Variants in SMAD4 observed in about 807,000 individuals in gnomAD.
SMAD4 encodes MAD homolog 4.
A neutral mutation model predicts 63.2 loss-of-function variants in SMAD4; 7 were observed. The observed-to-expected ratio is 0.11, with a 90% confidence interval of 0.06 to 0.21. The LOEUF is 0.21. SMAD4 is among the 10% of genes least tolerant of loss of function. SMAD4 has a pLI of 1.00. For missense variants in SMAD4, 312 were observed against 693.8 expected, an observed-to-expected ratio of 0.45 and a Z score of 6.18; for synonymous variants, 215 against 235.4, an observed-to-expected ratio of 0.91 and a Z score of 0.79.
chr18:51,046,884 G>T (rs776946182), intron 1 of SMAD4, 36 bp from the exon 2 acceptor site: 5 of 636,838 alleles, frequency 7.9e-6, no homozygotes, highest in African/African-American at 1.8e-5. Context: ...CGTAAAATGT[G>T]TTCTGATGTG....
In SMAD4 at chr18:51,045,550, A is replaced by T. The variant is rs1279198378; in HGVS notation, c.-127-1370A>T. Among the ~76,000 whole-genome samples the T allele has an allele frequency of 2.6e-5, 4 of 151,906 alleles. No individual in the cohort carries two copies. In the South Asian group the frequency reaches 6.2e-4, roughly 24 times the overall value. ...TTAATCTTCAGTTTTTGTTATTTTA[A>T]TTTTTTTGAAAATAATTTACCCTGC... is the stretch of plus-strand genomic sequence containing the variant. On this transcript the variant is annotated intron_variant, in intron 1 of 11. Transcript: ENST00000342988.
rs1035348290 is a variant in SMAD4, at chr18:51,080,682, C to T, written c.*2215C>T. ...TCAGCCTCCCTGGTAGCTAGGATTACAGGTGCCCGCCACCATGCCTGGCTA... is the reference window on the plus strand; with the variant it reads ...TCAGCCTCCCTGGTAGCTAGGATTATAGGTGCCCGCCACCATGCCTGGCTA... On this transcript the variant is annotated 3_prime_UTR_variant, in exon 12 of 12. Coordinates refer to ENST00000342988, the MANE Select transcript of SMAD4 (RefSeq NM_005359.6). 1.1e-5 allele frequency: 2 copies of T among 175,574 alleles called. No individual in the cohort carries two copies. Among genetic ancestry groups the T allele is most frequent in the Non-Finnish European group, 2.5e-5 (2 of 81,476 alleles). 10.9% of individuals were successfully genotyped at this position (175,574 alleles called of 1,614,324 possible). A position where few individuals can be genotyped will look rare whatever the true frequency, so the allele number is the denominator to read the frequency against.
In SMAD4 at chr18:51,045,866, C is replaced by CA. The variant is rs536672060; in HGVS notation, c.-127-1053dup. Among the ~76,000 whole-genome samples, 997 of 152,288 alleles carry CA rather than the reference C, an allele frequency of 6.5e-3. 15 individuals carry two copies. The highest frequency in any genetic ancestry group is 0.022 in the African/African-American group (900 of 41,570). ...GTGGATTTGCCTATTCTGTATATTTCATATAAATGGGATTATATAATGTGT... is the reference window on the plus strand; with the variant it reads ...GTGGATTTGCCTATTCTGTATATTTCAATATAAATGGGATTATATAATGTGT... On this transcript the variant is annotated intron_variant, in intron 1 of 11. Transcript: ENST00000342988.
At chr18:51,053,744 A>G (rs1004772015) in intron 4 of SMAD4, 4 of 152,114 alleles carry the variant, frequency 2.6e-5, no homozygotes, top group African/African-American at 4.8e-5. Context: ...TGACATAGGG[A>G]AAGATAAGGG....
In SMAD4 at chr18:51,078,642, T is replaced by A. The variant is rs1190210826; in HGVS notation, c.*175T>A. 6.8e-6 allele frequency: 4 copies of A among 584,668 alleles called. No homozygotes were observed. Among genetic ancestry groups the A allele is most frequent in the Non-Finnish European group, 9.0e-6 (3 of 332,396 alleles). 36.2% of individuals were successfully genotyped at this position (584,668 alleles called of 1,614,324 possible). On this transcript the variant is annotated 3_prime_UTR_variant, in exon 12 of 12. Transcript: ENST00000342988. The stretch of plus-strand genomic sequence containing the variant: ...ACAGAAACTGGATTAAAACAATTTT[T>A]TTTTTCCTCTTCAGAACTTGTCAGG...
At chr18:51,045,614 C>T (rs536229102) in intron 1 of SMAD4, among the ~76,000 whole-genome samples, 1 of 152,224 alleles carries the variant, frequency 6.6e-6, no homozygotes, top group East Asian at 1.9e-4. Context: ...ATTTAGTGAT[C>T]TCTTTAAAGA....
At chr18:51,051,309 A>C (rs903305399) in intron 4 of SMAD4, 6 of 454,398 alleles carry the variant, frequency 1.3e-5, no homozygotes, top group Non-Finnish European at 2.7e-5. Context: ...AGATCCCCCT[A>C]GTGGTGGTTT....
chr18:51,030,799 G>A (rs1949597368), intron 1 of SMAD4, among the ~76,000 whole-genome samples, 176 bp downstream of exon 1: 1 of 151,438 alleles, frequency 6.6e-6, no homozygotes, highest in African/African-American at 2.4e-5. Context: ...CGGGCGGGCC[G>A]GCTGAATGCC....
In SMAD4 at chr18:51,070,494, G is replaced by A. The variant is rs143058098; in HGVS notation, c.1308+3307G>A. ...TTAACTAAGATTTTAAAATAATTAT[G>A]TCTGTTTACCAAGTATATTACTGTT... On this transcript the variant is annotated intron_variant, in intron 10 of 11. Coordinates refer to ENST00000342988, the MANE Select transcript of SMAD4 (RefSeq NM_005359.6). 5.7e-3 allele frequency among the ~76,000 whole-genome samples: 862 copies of A among 152,282 alleles called. 10 individuals are homozygous for A. Among genetic ancestry groups the A allele is most frequent in the African/African-American group, 0.02 (822 of 41,552 alleles).
chr18:51,055,677 C>T (rs1909826015), intron 5 of SMAD4, among the ~76,000 whole-genome samples: 1 of 151,234 alleles, frequency 6.6e-6, no homozygotes, highest in Admixed American at 6.6e-5. Context: ...TGATAGTTTG[C>T]TGCTTGGCAA....
chr18:51,052,111 C>T (rs1255234619), intron 4 of SMAD4, among the ~76,000 whole-genome samples: 1 of 152,004 alleles, frequency 6.6e-6, no homozygotes, highest in Non-Finnish European at 1.5e-5. Flanking sequence ...TGCACCCAGC[C>T]CTCTTAGAAC....
chr18:51,045,651 T>C (rs1175139175), intron 1 of SMAD4, among the ~76,000 whole-genome samples: 1 of 152,220 alleles, frequency 6.6e-6, no homozygotes, highest in Non-Finnish European at 1.5e-5. Context: ...ATAATTTCCA[T>C]ACCATAAAAT....
chr18:51,075,991 A>G (rs1267898237), intron 10 of SMAD4, among the ~76,000 whole-genome samples: 1 of 152,204 alleles, frequency 6.6e-6, no homozygotes, highest in African/African-American at 2.4e-5. Context: ...AACATTTACA[A>G]ACAAAGAAAT....
chr18:51,045,127 T>C (rs1462067374), intron 1 of SMAD4: 1 of 152,132 alleles, frequency 6.6e-6, no homozygotes, highest in Non-Finnish European at 1.5e-5. Flanking sequence ...TAGAAAAGAC[T>C]GAGGTAAAGA....
chr18:51,036,506 T>C (rs1402365217), intron 1 of SMAD4, among the ~76,000 whole-genome samples: 1 of 152,150 alleles, frequency 6.6e-6, no homozygotes, highest in Non-Finnish European at 1.5e-5. Flanking sequence ...ATAAACACAT[T>C]AGGTGTGTCT....
rs151212566 is a variant in SMAD4, at chr18:51,033,462, T to G, written c.-128+2839T>G. On this transcript the variant is annotated intron_variant, in intron 1 of 11. Transcript: ENST00000342988. ...GCCTTGGCCTCCCAAAGTGCTGGGA[T>G]TACAGGCGTGAGCCACTGCGCCTGT... 1.3e-3 allele frequency among the ~76,000 whole-genome samples: 191 copies of G among 152,372 alleles called. 1 individual carries two copies. Among genetic ancestry groups the G allele is most frequent in the African/African-American group, 4.4e-3 (182 of 41,596 alleles).
rs547532436 is a variant in SMAD4 at position 51,055,013 on chromosome 18, G to T, written c.667+20G>T. The stretch of plus-strand genomic sequence containing the variant: ...CCACAAGTGAGTTCTAGAATCAGAT[G>T]TAGTCAGCAAGTTGAGTTTTCCTAA... On this transcript the variant is annotated intron_variant, in intron 5 of 11. Coordinates refer to ENST00000342988, the MANE Select transcript of SMAD4 (RefSeq NM_005359.6). 9.5e-6 allele frequency: 15 copies of T among 1,583,932 alleles called. No homozygotes were observed. In the South Asian group the frequency reaches 1.5e-4, roughly 16 times the overall value.
intron 1 of SMAD4, among the ~76,000 whole-genome samples, chr18:51,038,493 T>TA (rs1909277294): frequency 6.6e-6 from 1 of 152,232 alleles, no homozygotes; most frequent in Admixed American, 6.5e-5. Flanking sequence ...TGGTGTTGAA[T>TA]AAAAGATGAA....
At chr18:51,063,391 A>G (rs1229941227) in intron 8 of SMAD4, among the ~76,000 whole-genome samples, 1 of 151,744 alleles carries the variant, frequency 6.6e-6, no homozygotes, top group Non-Finnish European at 1.5e-5. Flanking sequence ...TTCACATTAC[A>G]TTTTCTATAG....
Sources: gnomAD v4.1 joint callset for allele counts (sites outside exome capture counted in the v4.1 genomes callset) on GRCh38, gnomAD v4.1.1 for gene constraint, MANE v1.5 for transcripts, NCBI Gene and HGNC (gene_info 2026-07-23, HGNC 2026-07-21) for gene names.